GGPS1: variants seen among roughly 807,000 people sequenced by gnomAD.
The protein encoded by GGPS1 is geranylgeranyl pyrophosphate synthase.
A neutral mutation model predicts 28.1 loss-of-function variants in GGPS1; 15 were observed. The ratio of observed to expected loss-of-function variants is 0.53; its 90% CI spans 0.36 to 0.82. The LOEUF (loss-of-function observed/expected upper bound fraction) is 0.82, where lower values mean the gene tolerates loss of function less well. Among genes scored for constraint, GGPS1 ranks in the 40% least tolerant of loss-of-function variants. The probability of loss-of-function intolerance (pLI) is 0.01; values close to 1 mark genes in which losing one functional copy is unlikely to be tolerated. For missense variants in GGPS1, 284 were observed against 348.3 expected (o/e 0.82, Z 1.47); for synonymous variants, 138 against 122.4 (o/e 1.13, Z -0.84).
chr1:235,335,987 C>T (rs754737462), intron 2 of GGPS1, among the ~76,000 whole-genome samples: 20 of 152,238 alleles, frequency 1.3e-4, no homozygotes, highest in Non-Finnish European at 2.5e-4. Context: ...TCTAAAATCA[C>T]AGTATTTGGA....
chr1:235,331,183 G>C (rs957810229), intron 1 of GGPS1, among the ~76,000 whole-genome samples: 2 of 152,068 alleles, frequency 1.3e-5, no homozygotes, highest in African/African-American at 4.8e-5. Flanking sequence ...GACGTCTTTG[G>C]TATTAATTGT....
At chr1:235,333,008 C>T (rs1403278860) in intron 1 of GGPS1, among the ~76,000 whole-genome samples, 3 of 136,812 alleles carry the variant, frequency 2.2e-5, no homozygotes, top group Non-Finnish European at 3.0e-5. Context: ...GCAGAGGTTG[C>T]AGTGAGCCGA....
chr1:235,341,692 T>A lies in GGPS1; in HGVS notation c.71-16T>A, dbSNP rs1676049731. On this transcript the variant is annotated splice_polypyrimidine_tract_variant and intron_variant, in intron 2 of 3. Coordinates refer to ENST00000282841, the MANE Select transcript of GGPS1 (RefSeq NM_004837.4). ...AAACACTTATCACATTGTCACATTT[T>A]ATTTTTAAATTGCAGGTAAACAAGT... The A allele has an allele frequency of 7.0e-7, 1 of 1,419,556 alleles. No homozygotes were observed. The highest frequency in any genetic ancestry group is 1.4e-5 in the African/African-American group (1 of 71,062). 87.9% of individuals were successfully genotyped at this position (1,419,556 alleles called of 1,614,324 possible).
chr1:235,339,415 C>A (rs1450217716), intron 2 of GGPS1, among the ~76,000 whole-genome samples: 1 of 151,778 alleles, frequency 6.6e-6, no homozygotes, highest in Non-Finnish European at 1.5e-5. Context: ...TTGTGGTGAG[C>A]CGAGCCAAGA....
intron 1 of GGPS1, among the ~76,000 whole-genome samples, chr1:235,333,067 C>CA (rs5781828): frequency 0.048 from 1,989 of 41,664 alleles, 76 homozygotes; most frequent in African/African-American, 0.084. Flanking sequence ...GACTCCGTCT[C>CA]AAAAAAAAAA....
chr1:235,340,539 A>T (rs907014601), intron 2 of GGPS1, among the ~76,000 whole-genome samples: 2 of 151,218 alleles, frequency 1.3e-5, no homozygotes, highest in African/African-American at 2.4e-5. Context: ...GATCGAGACC[A>T]TCCTGGCTAA....
intron 1 of GGPS1, among the ~76,000 whole-genome samples, chr1:235,331,165 T>C (rs1204597223): frequency 6.6e-6 from 1 of 152,224 alleles, no homozygotes; most frequent in Non-Finnish European, 1.5e-5. Context: ...GAGCCTTTTT[T>C]TCCTTGCGAC....
rs1018482865 is a variant in GGPS1 at position 235,344,494 on chromosome 1, A to G, written c.*1722A>G. The G allele has an allele frequency of 6.0e-6, 1 of 167,052 alleles. No homozygotes were observed. The highest frequency in any genetic ancestry group is 2.4e-5 in the African/African-American group (1 of 41,452). The allele number at this position is 167,052 out of a possible 1,614,324, so 10.3% of individuals were successfully genotyped here. A position where few individuals can be genotyped will look rare whatever the true frequency, so the allele number is the denominator to read the frequency against. ...CATTTTTAAAAATCTAACACTGACT[A>G]TAGAAACAAATTAAAATGTCTACCT... On this transcript the variant is annotated 3_prime_UTR_variant, in exon 4 of 4. Coordinates refer to ENST00000282841, the MANE Select transcript of GGPS1 (RefSeq NM_004837.4).
At chr1:235,334,301 G>A (rs887303809) in intron 1 of GGPS1, among the ~76,000 whole-genome samples, 2 of 152,196 alleles carry the variant, frequency 1.3e-5, no homozygotes, top group African/African-American at 2.4e-5. Context: ...TTCTTTGGAT[G>A]TGTTTTGACA....
intron 1 of GGPS1, among the ~76,000 whole-genome samples, chr1:235,333,566 T>TC (rs1675780041): frequency 8.1e-6 from 1 of 123,842 alleles, no homozygotes; most frequent in Middle Eastern, 4.6e-3. Context: ...AAACTCCGTC[T>TC]CAAAAAAAAA....
chr1:235,338,268 C>G (rs1675924744), intron 2 of GGPS1, among the ~76,000 whole-genome samples: 1 of 151,582 alleles, frequency 6.6e-6, no homozygotes, highest in African/African-American at 2.4e-5. Context: ...GTAGTCCCAG[C>G]TTACCTGGGG....
In GGPS1 at chr1:235,342,767, G is replaced by A. The variant is rs373903160; in HGVS notation, c.898G>A (p.Glu300Lys). 4 of 1,571,188 alleles carry A rather than the reference G, an allele frequency of 2.5e-6. No homozygotes were observed. The highest frequency in any genetic ancestry group is 2.6e-6 in the Non-Finnish European group (3 of 1,160,150). The part of the protein sequence containing the change: ...HLSKMFKEEN[E>K] Reference sequence around the variant, plus strand: ...AAGTAAGATGTTCAAAGAAGAAAATGAATAATGTTAAGCCATTCTTGATTG... The same window carrying A: ...AAGTAAGATGTTCAAAGAAGAAAATAAATAATGTTAAGCCATTCTTGATTG... Residue 300 changes from glutamate to lysine, a missense_variant, in exon 4 of 4, where the codon GAA becomes AAA. Coordinates refer to ENST00000282841, the MANE Select transcript of GGPS1 (RefSeq NM_004837.4).
At chr1:235,331,937 C>G (rs1448822541) in intron 1 of GGPS1, among the ~76,000 whole-genome samples, 1 of 152,176 alleles carries the variant, frequency 6.6e-6, no homozygotes, top group Non-Finnish European at 1.5e-5. Context: ...TCATTGACTG[C>G]TACAAAACAG....
At position 235,343,469 on chromosome 1, in the gene GGPS1, T is replaced by C. The variant is rs1676117299; in HGVS notation, c.*697T>C. 1 of 162,848 alleles carries C rather than the reference T, an allele frequency of 6.1e-6. No homozygotes were observed. Among genetic ancestry groups the C allele is most frequent in the African/African-American group, 2.4e-5 (1 of 41,444 alleles). The allele number at this position is 162,848 out of a possible 1,614,324, so 10.1% of individuals were successfully genotyped here. A position where few individuals can be genotyped will look rare whatever the true frequency, so the allele number is the denominator to read the frequency against. On this transcript the variant is annotated 3_prime_UTR_variant, in exon 4 of 4. Coordinates refer to ENST00000282841, the MANE Select transcript of GGPS1 (RefSeq NM_004837.4). ...GGGAGGCTGAGGCAGGAGAATGGTG[T>C]GAACCCAGGAGGCGGAGCTTGCAGT...
chr1:235,337,279 C>A (rs1313328063), intron 2 of GGPS1, among the ~76,000 whole-genome samples: 1 of 152,192 alleles, frequency 6.6e-6, no homozygotes, highest in Non-Finnish European at 1.5e-5. Context: ...GGACTGCCTA[C>A]AGTTACATTT....
intron 1 of GGPS1, among the ~76,000 whole-genome samples, chr1:235,332,791 T>C (rs183521058): frequency 3.9e-5 from 6 of 152,314 alleles, no homozygotes; most frequent in Admixed American, 3.3e-4. Flanking sequence ...GTATCAATGA[T>C]CAGATCATAG....
chr1:235,340,949 G>A (rs1014108342), intron 2 of GGPS1, among the ~76,000 whole-genome samples: 7 of 152,060 alleles, frequency 4.6e-5, no homozygotes, highest in African/African-American at 7.2e-5. Flanking sequence ...AATTTCAAGA[G>A]GTATTTTTAT....
chr1:235,327,632 T>C (rs2103329329), upstream of GGPS1: 1 of 151,474 alleles, frequency 6.6e-6, no homozygotes, highest in Non-Finnish European at 1.5e-5. Flanking sequence ...GGGGTGGGGG[T>C]TCCCGGGAGG....
At chr1:235,341,619 AAAGG>A in intron 2 of GGPS1, 85 bp from the exon 3 acceptor site, 1 of 805,470 alleles carries the variant, frequency 1.2e-6, no homozygotes, top group Non-Finnish European at 2.2e-6. Context: ...TGATCAATCT[AAAGG>A]AAGTTTCTGA....
Sources: allele counts gnomAD v4.1 joint callset (sites outside exome capture counted in the v4.1 genomes callset), GRCh38; gene constraint gnomAD v4.1.1; transcripts MANE v1.5; gene names NCBI Gene and HGNC (gene_info 2026-07-23, HGNC 2026-07-21).